The following CEP131 variants were observed in gnomAD, a reference collection of about 807,000 sequenced individuals.
CEP131 encodes centrosomal protein 131.
CEP131 carries 99 observed loss-of-function variants against 136.8 expected under a neutral mutation model. That is an observed-to-expected ratio of 0.72 (90% CI 0.62 to 0.86). The LOEUF (loss-of-function observed/expected upper bound fraction) is 0.86, where lower values mean the gene tolerates loss of function less well. Among genes scored for constraint, CEP131 ranks in the 40% least tolerant of loss-of-function variants. The pLI, the probability that CEP131 is intolerant of heterozygous loss-of-function variation, is 0.00. For synonymous variants in CEP131, 646 were observed against 612.7 expected (o/e 1.05, Z -0.80); for missense variants, 1,459 against 1,463.0 (o/e 1.00, Z 0.04).
At chr17:81,192,268 C>T (rs1379511222) in intron 21 of CEP131, 50 bp downstream of exon 21, 39 of 1,525,482 alleles carry the variant, frequency 2.6e-5, no homozygotes, top group Non-Finnish European at 3.5e-5. Flanking sequence ...AACTCCTGCC[C>T]ACGCAGGGCA....
intron 5 of CEP131, among the ~76,000 whole-genome samples, chr17:81,206,106 C>T (rs141662250): frequency 0.014 from 2,089 of 151,952 alleles, 28 homozygotes; most frequent in Non-Finnish European, 0.017. Context: ...CTCAGCTACT[C>T]GGGAGGCTGA....
chr17:81,197,699 G>A lies in CEP131; in HGVS notation c.1647+13C>T. 1 of 1,604,240 alleles carries A rather than the reference G, an allele frequency of 6.2e-7. No homozygotes were observed. Among genetic ancestry groups the A allele is most frequent in the Non-Finnish European group, 8.5e-7 (1 of 1,175,016 alleles). ...TCCCACTGGGGGCCGGGTGCGGGCT[G>A]GTGAGGGGCCACCTCCTGCTGGGAG... is the stretch of plus-strand genomic sequence containing the variant. On this transcript the variant is annotated intron_variant, in intron 13 of 25. Transcript: ENST00000450824.
chr17:81,198,276 C>T lies in CEP131; in HGVS notation c.1309G>A (p.Ala437Thr). ...GCCATCATCTCCAGGTTGTCCCCAG[C>T]TGCATCCTGGGCAAGAACGTCCTGC... ...RTQDVLAQDAAGDNLEMMAPS... is the reference protein window; with the variant it reads ...RTQDVLAQDATGDNLEMMAPS... Residue 437 changes from alanine to threonine, a missense_variant, in exon 12 of 26, where the codon GCT becomes ACT. By Grantham distance (58) the Ala-to-Thr change is moderately conservative (BLOSUM62 0). Around this residue, in one of 3 missense-constraint regions of CEP131, gnomAD observed 1,026 missense variants for 964.2 expected, o/e 1.06. Coordinates refer to ENST00000450824, the MANE Select transcript of CEP131 (RefSeq NM_014984.4). 6.2e-7 allele frequency: 1 copy of T among 1,602,890 alleles called. No homozygotes were observed. Among genetic ancestry groups the T allele is most frequent in the Non-Finnish European group, 8.5e-7 (1 of 1,174,782 alleles).
intron 13 of CEP131, 88 bp downstream of exon 13, chr17:81,197,624 T>C (rs1362136136): frequency 2.0e-6 from 3 of 1,483,706 alleles, no homozygotes; most frequent in Non-Finnish European, 1.8e-6. Context: ...TGCGGGCTGG[T>C]GAGGGGCCTC....
chr17:81,218,417 G>T (rs2062304408), intron 2 of CEP131, among the ~76,000 whole-genome samples: 1 of 152,254 alleles, frequency 6.6e-6, no homozygotes, highest in African/African-American at 2.4e-5. Flanking sequence ...AGCGGGAGGG[G>T]CCAAGGCAGG....
chr17:81,211,259 G>A (rs187025980), intron 2 of CEP131, among the ~76,000 whole-genome samples: 2 of 152,198 alleles, frequency 1.3e-5, no homozygotes, highest in African/African-American at 2.4e-5. Context: ...CAAACTGGGC[G>A]CTGGAAAGGT....
At chr17:81,193,847 G>A in intron 18 of CEP131, 79 bp downstream of exon 18, 2 of 1,450,150 alleles carry the variant, frequency 1.4e-6, no homozygotes, top group Non-Finnish European at 1.8e-6. Context: ...CTCTACATGG[G>A]AACTCCACTC....
rs2061770971 is a variant in CEP131, at chr17:81,196,975, C to T, written c.1728G>A (p.Glu576=). 1 of 1,607,822 alleles carries T rather than the reference C, an allele frequency of 6.2e-7. No individual in the cohort carries two copies. Among genetic ancestry groups the T allele is most frequent in the Non-Finnish European group, 8.5e-7 (1 of 1,177,604 alleles). ...GCATGGCCTGCTTCTTCTCCTCCACCTCCAGCTTCAGCCGCATCACAGACG... is the reference window on the plus strand; with the variant it reads ...GCATGGCCTGCTTCTTCTCCTCCACTTCCAGCTTCAGCCGCATCACAGACG... ...VSTSVMRLKL[E]VEEKKQAMLL... is the part of the protein sequence containing the mutation. Residue 576 remains glutamate (E), a synonymous_variant, in exon 14 of 26, where the codon GAG becomes GAA. Coordinates refer to ENST00000450824, the MANE Select transcript of CEP131 (RefSeq NM_014984.4).
At chr17:81,193,821 T>C (rs916051811) in intron 18 of CEP131, 105 bp downstream of exon 18, 36 of 1,301,624 alleles carry the variant, frequency 2.8e-5, no homozygotes, top group Non-Finnish European at 3.6e-5. Context: ...CATGCTGCAC[T>C]AAGACCCTCG....
At chr17:81,217,396 C>T (rs2062271437) in intron 2 of CEP131, among the ~76,000 whole-genome samples, 1 of 151,896 alleles carries the variant, frequency 6.6e-6, no homozygotes, top group Non-Finnish European at 1.5e-5. Flanking sequence ...GGGGACAGCA[C>T]CCCACCCCAC....
At chr17:81,196,034 C>CCTCGGAGGCTGG in intron 15 of CEP131, 83 bp from the exon 16 acceptor site, 1 of 1,196,142 alleles carries the variant, frequency 8.4e-7, no homozygotes, top group Non-Finnish European at 1.2e-6. Flanking sequence ...TCCCAGCCTC[C>CCTCGGAGGCTGG]GAGGGAGGCT....
intron 11 of CEP131, among the ~76,000 whole-genome samples, 200 bp downstream of exon 11, chr17:81,198,677 C>T (rs1417960167): frequency 1.3e-5 from 2 of 152,202 alleles, no homozygotes; most frequent in Non-Finnish European, 2.9e-5. Flanking sequence ...CAACTGGATC[C>T]ACCCCAGCAA....
chr17:81,201,260 C>T (rs929002508), intron 7 of CEP131, among the ~76,000 whole-genome samples: 10 of 152,164 alleles, frequency 6.6e-5, no homozygotes, highest in Admixed American at 3.9e-4. Flanking sequence ...CCACCCACCG[C>T]GTCTACAGGC....
chr17:81,220,879 T>G (rs2062372136), intron 1 of CEP131, among the ~76,000 whole-genome samples: 1 of 151,714 alleles, frequency 6.6e-6, no homozygotes, highest in South Asian at 2.1e-4. Context: ...TCCCAGCACT[T>G]TGGGAGACCA....
intron 15 of CEP131, 56 bp from the exon 16 acceptor site, chr17:81,196,007 CCT>C: frequency 1.4e-6 from 2 of 1,454,270 alleles, no homozygotes; most frequent in South Asian, 1.2e-5. Flanking sequence ...CAGCAGGACC[CCT>C]GATGGAGGAG....
rs2061865273 is a variant in CEP131 at position 81,200,415 on chromosome 17, T to C, written c.820A>G (p.Thr274Ala). 1.3e-6 allele frequency: 2 copies of C among 1,555,632 alleles called. No individual in the cohort carries two copies. Among genetic ancestry groups the C allele is most frequent in the South Asian group, 2.4e-5 (2 of 84,632 alleles). ...TGGTGCCGGTACCAGCGCTGGATGG[T>C]GACAGTGGCCTGGTTCACCTGGTGG... The part of the protein sequence containing the change: ...FIHQVNQATV[T>A]IQRWYRHQVQ... The change falls in exon 8 of 26, where the codon ACC (threonine) becomes GCC (alanine). Residue 274 changes from threonine (T) to alanine (A), a missense_variant. Thr to Ala is a moderately conservative substitution (Grantham distance 58). Transcript: ENST00000450824.
Position 81,194,194 on chromosome 17 carries a change from C to T in CEP131, c.2120-67G>A. On this transcript the variant is annotated intron_variant, in intron 17 of 25. Coordinates refer to ENST00000450824, the MANE Select transcript of CEP131 (RefSeq NM_014984.4). ...GGGCCCGGGAAGTCCAACCCTGGCACAAGACCAGCCTGTCTCAGGCCCAGA... is the reference window on the plus strand; with the variant it reads ...GGGCCCGGGAAGTCCAACCCTGGCATAAGACCAGCCTGTCTCAGGCCCAGA... 3 of 1,388,922 alleles carry T rather than the reference C, an allele frequency of 2.2e-6. No homozygotes were observed. The South Asian group carries it at 4.7e-5, about 22-fold the overall frequency. The allele number at this position is 1,388,922 out of a possible 1,614,324, so 86.0% of individuals were successfully genotyped here.
chr17:81,207,215 C>T lies in CEP131; in HGVS notation c.297G>A (p.Leu99=). ...SPRPTEPTDF[L]MLFEGSPSGK... ...CACTGGGGCTGCCCTCGAAGAGCAT[C>T]AGGAAGTCTGTGGGCTCCGTTGGCC... The change falls in exon 4 of 26, where the codon CTG becomes CTA. Residue 99 remains leucine (L), a synonymous_variant. Coordinates refer to ENST00000450824, the MANE Select transcript of CEP131 (RefSeq NM_014984.4). The T allele has an allele frequency of 6.2e-7, 1 of 1,613,572 alleles. No individual in the cohort carries two copies. The highest frequency in any genetic ancestry group is 1.7e-5 in the Admixed American group (1 of 59,944).
chr17:81,200,176 G>A (rs1250494961), intron 8 of CEP131, 153 bp downstream of exon 8: 22 of 668,186 alleles, frequency 3.3e-5, no homozygotes, highest in Middle Eastern at 3.1e-4. Context: ...GACTGTCCGC[G>A]GGGACCCAGG....
Sources: gnomAD v4.1 joint callset for allele counts (sites outside exome capture counted in the v4.1 genomes callset) on GRCh38, gnomAD v4.1.1 for gene constraint, gnomAD v4.1.1 regional missense constraint, MANE v1.5 for transcripts, NCBI Gene and HGNC (gene_info 2026-07-23, HGNC 2026-07-21) for gene names.